The following EGLN1 variants were observed in gnomAD, a reference collection of about 807,000 sequenced individuals.
The protein encoded by EGLN1 is egl-9 family hypoxia inducible factor 1, also known as egl nine homolog 1.
A neutral mutation model predicts 38.3 loss-of-function variants in EGLN1; 17 were observed. That is an observed-to-expected ratio of 0.44 (90% confidence interval 0.30 to 0.67). The LOEUF (loss-of-function observed/expected upper bound fraction) is 0.67. EGLN1 is among the 30% of genes least tolerant of loss of function. The pLI, the probability that EGLN1 is intolerant of heterozygous loss-of-function variation, is 0.08. For synonymous variants in EGLN1, 283 were observed against 257.5 expected (o/e 1.10, Z -0.95); for missense variants, 477 against 603.3 (o/e 0.79, Z 2.19).
At chr1:231,418,636 G>A (rs935011584) in intron 1 of EGLN1, among the ~76,000 whole-genome samples, 2 of 152,136 alleles carry the variant, frequency 1.3e-5, no homozygotes, top group Admixed American at 1.3e-4. Flanking sequence ...GGACAAGGCA[G>A]GAGGATCCCC....
chr1:231,369,563 C>A (rs1012657064), intron 3 of EGLN1: 2 of 985,308 alleles, frequency 2.0e-6, no homozygotes, highest in Non-Finnish European at 2.4e-6. Flanking sequence ...GGATTTCTTA[C>A]AATCTCCAGC....
chr1:231,389,058 G>A (rs1475604123), intron 1 of EGLN1, among the ~76,000 whole-genome samples: 3 of 152,062 alleles, frequency 2.0e-5, no homozygotes. Context: ...TACAAAGCTG[G>A]GAAAAGTAGC....
chr1:231,365,353 CCTTAT>C lies in EGLN1; in HGVS notation c.*1053_*1057del, dbSNP rs1687614097. 1 of 152,110 alleles carries C rather than the reference CCTTAT, an allele frequency of 6.6e-6. No individual in the cohort carries two copies. Among genetic ancestry groups the C allele is most frequent in the African/African-American group, 2.4e-5 (1 of 41,426 alleles). The allele number at this position is 152,110 out of a possible 1,614,324, so 9.4% of individuals were successfully genotyped here. On this transcript the variant is annotated 3_prime_UTR_variant, in exon 5 of 5. Coordinates refer to ENST00000366641, the MANE Select transcript of EGLN1 (RefSeq NM_022051.3). ...CATACACCTGAAAGCTTAAGAAAGCCCTTATCTTAGGAACTTGAAGCTGAGGATAA... is the reference window on the plus strand; with the variant it reads ...CATACACCTGAAAGCTTAAGAAAGCCCTTAGGAACTTGAAGCTGAGGATAA...
At chr1:231,385,076 T>C (rs1277483253) in intron 1 of EGLN1, among the ~76,000 whole-genome samples, 2 of 152,174 alleles carry the variant, frequency 1.3e-5, no homozygotes, top group Non-Finnish European at 2.9e-5. Flanking sequence ...TAAGAAGTGC[T>C]GGGATACTCA....
At chr1:231,404,731 AT>A (rs574643556) in intron 1 of EGLN1, among the ~76,000 whole-genome samples, 209 of 152,180 alleles carry the variant, frequency 1.4e-3, no homozygotes, top group African/African-American at 4.8e-3. Context: ...AAGGGTTTCA[AT>A]TTTTTTAATA....
intron 3 of EGLN1, among the ~76,000 whole-genome samples, chr1:231,369,360 C>G (rs1015453168): frequency 6.6e-6 from 1 of 152,096 alleles, no homozygotes; most frequent in Non-Finnish European, 1.5e-5. Flanking sequence ...GTTATTTATT[C>G]ATCTAAAAAG....
chr1:231,403,671 G>T (rs1016285909), intron 1 of EGLN1, among the ~76,000 whole-genome samples: 1 of 150,366 alleles, frequency 6.7e-6, no homozygotes, highest in Non-Finnish European at 1.5e-5. Context: ...AGCTACTTGG[G>T]AGGCTGAGGC....
At chr1:231,404,314 G>A (rs183092077) in intron 1 of EGLN1, among the ~76,000 whole-genome samples, 2 of 152,098 alleles carry the variant, frequency 1.3e-5, no homozygotes, top group East Asian at 1.9e-4. Flanking sequence ...ATTATTAAGG[G>A]TAAATAAGCC....
At chr1:231,394,657 G>C (rs931398215) in intron 1 of EGLN1, among the ~76,000 whole-genome samples, 1 of 151,462 alleles carries the variant, frequency 6.6e-6, no homozygotes. Context: ...CCCAAGTGCT[G>C]GGATTACATG....
intron 1 of EGLN1, among the ~76,000 whole-genome samples, chr1:231,400,538 T>C (rs1289718244): frequency 1.3e-5 from 2 of 152,144 alleles, no homozygotes; most frequent in East Asian, 1.9e-4. Flanking sequence ...ACCAATACCA[T>C]ATGTTATGAT....
intron 1 of EGLN1, among the ~76,000 whole-genome samples, chr1:231,406,976 A>G (rs1346322507): frequency 6.6e-6 from 1 of 152,204 alleles, no homozygotes; most frequent in African/African-American, 2.4e-5. Context: ...AACCACCCAA[A>G]ACTACAACCA....
At chr1:231,388,552 A>G (rs1329584863) in intron 1 of EGLN1, among the ~76,000 whole-genome samples, 1 of 151,236 alleles carries the variant, frequency 6.6e-6, no homozygotes, top group African/African-American at 2.4e-5. Flanking sequence ...GGCTACTGCA[A>G]CCTCTACCTC....
Position 231,421,085 on chromosome 1 carries a change from G to A in EGLN1, c.804C>T (p.Thr268=). The A allele has an allele frequency of 2.5e-6, 4 of 1,614,166 alleles. No individual in the cohort carries two copies. The African/African-American group carries it at 4.0e-5, about 16-fold the overall frequency. The change falls in exon 1 of 5, where the codon ACC becomes ACT. Residue 268 remains threonine (T), a synonymous_variant. Coordinates refer to ENST00000366641, the MANE Select transcript of EGLN1 (RefSeq NM_022051.3). The surrounding 1 kb of genome is among the most constrained non-coding windows in gnomAD (Gnocchi z 5.5). ...WIEGKEPGCE[T]IGLLMSSMDD... is the part of the protein sequence containing the mutation. The stretch of plus-strand genomic sequence containing the variant: ...CCATGCTGCTCATGAGCAGCCCAAT[G>A]GTTTCGCAGCCGGGCTCCTTGCCCT...
intron 1 of EGLN1, among the ~76,000 whole-genome samples, chr1:231,415,360 G>C (rs372103572): frequency 4.7e-4 from 72 of 151,726 alleles, no homozygotes; most frequent in African/African-American, 1.6e-3. Context: ...CTAAATCAAA[G>C]GTCTGTTGAT....
intron 1 of EGLN1, among the ~76,000 whole-genome samples, chr1:231,417,675 A>G (rs886243755): frequency 2.7e-4 from 41 of 152,218 alleles, no homozygotes; most frequent in Non-Finnish European, 4.6e-4. Context: ...GCTTGGTTGT[A>G]TCAGTGGCTA....
intron 1 of EGLN1, among the ~76,000 whole-genome samples, chr1:231,386,694 A>G (rs1688217145): frequency 6.6e-6 from 1 of 152,166 alleles, no homozygotes. Context: ...GCACTCAAAT[A>G]TCTACTGAAT....
intron 1 of EGLN1, among the ~76,000 whole-genome samples, chr1:231,387,374 T>G (rs1214617737): frequency 4.6e-5 from 7 of 150,800 alleles, no homozygotes; most frequent in Non-Finnish European, 8.9e-5. Context: ...TTTTTTTTTT[T>G]TTTGTGACGG....
chr1:231,382,702 T>C (rs993509469), intron 1 of EGLN1, among the ~76,000 whole-genome samples: 2 of 152,200 alleles, frequency 1.3e-5, no homozygotes, highest in East Asian at 1.9e-4. Context: ...TTGATTCCAA[T>C]TAGGTTCAGC....
At chr1:231,381,447 A>G (rs1344714271) in intron 1 of EGLN1, among the ~76,000 whole-genome samples, 4 of 152,234 alleles carry the variant, frequency 2.6e-5, no homozygotes, top group African/African-American at 9.6e-5. Context: ...TTATTGAAGA[A>G]GAAATAGCAT....
Sources: allele counts gnomAD v4.1 joint callset (sites outside exome capture counted in the v4.1 genomes callset), GRCh38; gene constraint gnomAD v4.1.1; non-coding constraint Gnocchi (gnomAD v3.1); transcripts MANE v1.5; gene names NCBI Gene and HGNC (gene_info 2026-07-23, HGNC 2026-07-21).